Variants in DUOX1 observed in about 807,000 individuals in gnomAD.
DUOX1 encodes the protein dual oxidase 1.
DUOX1 carries 134 observed loss-of-function variants against 181.8 expected under a neutral mutation model. That is an observed-to-expected ratio of 0.74 (90% confidence interval 0.64 to 0.85). The LOEUF (loss-of-function observed/expected upper bound fraction) is 0.85, where lower values mean the gene tolerates loss of function less well. Ranked by LOEUF, DUOX1 falls within the 40% of genes least tolerant of loss-of-function variation. The pLI, the probability that DUOX1 is intolerant of heterozygous loss-of-function variation, is 0.00. For missense variants in DUOX1, 1,814 were observed against 2,064.4 expected, an observed-to-expected ratio of 0.88 and a Z score of 2.35; for synonymous variants, 798 against 832.5, an observed-to-expected ratio of 0.96 and a Z score of 0.71.
chr15:45,155,574 A>G (rs973158434), intron 27 of DUOX1: 1 of 555,090 alleles, frequency 1.8e-6, no homozygotes, highest in Middle Eastern at 5.2e-4. Context: ...CATCTCAAAA[A>G]AAAAAAAAAA....
intron 23 of DUOX1, 147 bp from the exon 24 acceptor site, chr15:45,151,727 A>C: frequency 2.4e-6 from 2 of 817,286 alleles, no homozygotes; most frequent in Non-Finnish European, 3.9e-6. Flanking sequence ...GTGAGGTCTG[A>C]ACCCTTCTTC....
At chr15:45,132,822 A>C (rs1230138064) in intron 2 of DUOX1, among the ~76,000 whole-genome samples, 2 of 151,922 alleles carry the variant, frequency 1.3e-5, no homozygotes, top group Non-Finnish European at 2.9e-5. Context: ...CTTTCCCTGT[A>C]CTGTCCTGCA....
At chr15:45,140,244 T>C (rs1205100862) in intron 12 of DUOX1, among the ~76,000 whole-genome samples, 3 of 152,158 alleles carry the variant, frequency 2.0e-5, no homozygotes, top group Non-Finnish European at 4.4e-5. Context: ...TACTATTTTA[T>C]AAAATTATTG....
In DUOX1 at chr15:45,160,882, C is replaced by T. The variant is rs145974183; in HGVS notation, c.3748C>T (p.His1250Tyr). ...SFALIQLPRF[H>Y]IFFLVPAIIY... is the part of the protein sequence containing the mutation. ...TGCCCTGATCCAGCTGCCCCGTTTC[C>T]ACATCTTCTTCCTGGTCCCAGCAAT... Residue 1250 changes from histidine (H) to tyrosine (Y), a missense_variant, in exon 29 of 34, where the codon CAC becomes TAC. Physicochemically the swap from His to Tyr is moderately conservative, Grantham distance 83. Around this residue, in one of 5 missense-constraint regions of DUOX1, gnomAD observed 279 missense variants for 381.9 expected, o/e 0.73. Coordinates refer to ENST00000389037, the MANE Select transcript of DUOX1 (RefSeq NM_175940.3). 25 of 1,613,382 alleles carry T rather than the reference C, an allele frequency of 1.5e-5. No individual in the cohort carries two copies. In the African/African-American group the frequency reaches 2.8e-4, roughly 18 times the overall value.
intron 12 of DUOX1, 59 bp downstream of exon 12, chr15:45,139,658 G>C: frequency 6.7e-7 from 1 of 1,486,310 alleles, no homozygotes; most frequent in East Asian, 2.4e-5. Flanking sequence ...GTGGGCCTGA[G>C]ACATGGAAGA....
chr15:45,147,665 G>C lies in DUOX1; in HGVS notation c.2548+7G>C, dbSNP rs552972667. 1 of 1,614,126 alleles carries C rather than the reference G, an allele frequency of 6.2e-7. No individual in the cohort carries two copies. Among genetic ancestry groups the C allele is most frequent in the South Asian group, 1.1e-5 (1 of 91,026 alleles). ...CTGGTGGTCTTCATGAAAGGTGAGGGAGGAGGGAATGATAGGAGAGGCTGG... is the reference window on the plus strand; with the variant it reads ...CTGGTGGTCTTCATGAAAGGTGAGGCAGGAGGGAATGATAGGAGAGGCTGG... On this transcript the variant is annotated splice_region_variant and intron_variant, in intron 19 of 33. Coordinates refer to ENST00000389037, the MANE Select transcript of DUOX1 (RefSeq NM_175940.3).
chr15:45,131,859 A>G (rs1896163875), intron 1 of DUOX1, 59 bp from the exon 2 acceptor site: 7 of 1,217,676 alleles, frequency 5.7e-6, no homozygotes, highest in Non-Finnish European at 7.3e-6. Context: ...AGGCCTGCAG[A>G]GTCTTTCACC....
intron 31 of DUOX1, 67 bp from the exon 32 acceptor site, chr15:45,163,465 T>C: frequency 6.3e-7 from 1 of 1,599,108 alleles, no homozygotes; most frequent in Non-Finnish European, 8.5e-7. Context: ...TCTATCAGTA[T>C]GGACACCCCT....
At chr15:45,162,767 A>G (rs1391752706) in intron 31 of DUOX1, among the ~76,000 whole-genome samples, 1 of 152,232 alleles carries the variant, frequency 6.6e-6, no homozygotes, top group Non-Finnish European at 1.5e-5. Flanking sequence ...TGGGTGGAGC[A>G]CAAGTGAAAC....
In DUOX1 at chr15:45,141,020, T is replaced by C; in HGVS notation, c.1515T>C (p.Phe505=). 1 of 1,614,184 alleles carries C rather than the reference T, an allele frequency of 6.2e-7. No homozygotes were observed. Among genetic ancestry groups the C allele is most frequent in the Non-Finnish European group, 8.5e-7 (1 of 1,180,022 alleles). ...PLFSTIVLEQ[F]VRLRDGDRYW... ...TCAGCACCATCGTCCTTGAACAATT[T>C]GTGCGGCTACGGGATGGTGACCGCT... The change falls in exon 13 of 34, where the codon TTT becomes TTC. Residue 505 remains phenylalanine (F), a synonymous_variant. Transcript: ENST00000389037.
chr15:45,150,699 C>G lies in DUOX1; in HGVS notation c.2886C>G (p.Ile962Met), dbSNP rs1896778892. 2 of 1,613,702 alleles carry G rather than the reference C, an allele frequency of 1.2e-6. No individual in the cohort carries two copies. Among genetic ancestry groups the G allele is most frequent in the African/African-American group, 2.7e-5 (2 of 74,912 alleles). The change falls in exon 22 of 34, where the codon ATC becomes ATG. Residue 962 changes from isoleucine to methionine, a missense_variant and splice_region_variant. Physicochemically the swap from Ile to Met is conservative, Grantham distance 10. Coordinates refer to ENST00000389037, the MANE Select transcript of DUOX1 (RefSeq NM_175940.3). Reference sequence around the variant, plus strand: ...CCTCCTACATCAGCCAGGATATGATCTGGTGAGCACCCATCTGGGAATGTC... The same window carrying G: ...CCTCCTACATCAGCCAGGATATGATGTGGTGAGCACCCATCTGGGAATGTC... ...RRASYISQDM[I>M]CPSPRVSARC...
At chr15:45,134,392 G>T (rs1896232668) in intron 4 of DUOX1, 83 bp downstream of exon 4, 1 of 1,438,252 alleles carries the variant, frequency 7.0e-7, no homozygotes, top group African/African-American at 1.4e-5. Context: ...GAGGATGAGA[G>T]AGAAGTGATG....
In DUOX1 at chr15:45,140,934, T is replaced by A. The variant is rs1351047564; in HGVS notation, c.1429T>A (p.Ser477Thr). The A allele has an allele frequency of 4.3e-6, 7 of 1,614,184 alleles. No individual in the cohort carries two copies. In the South Asian group the frequency reaches 7.7e-5, roughly 18 times the overall value. Residue 477 changes from serine to threonine, a missense_variant, in exon 13 of 34, where the codon TCC becomes ACC. Ser to Thr is a moderately conservative substitution (Grantham distance 58). This residue lies in a region of DUOX1 where 1,064 missense variants were observed against 1,152.9 expected (regional missense o/e 0.92). Coordinates refer to ENST00000389037, the MANE Select transcript of DUOX1 (RefSeq NM_175940.3). ...ATAALYNQDL[S>T]WLELLPGGLL... ...AGCTGCCCTGTACAACCAGGACTTA[T>A]CCTGGCTAGAGCTGCTCCCTGGGGG...
chr15:45,151,246 G>A lies in DUOX1; in HGVS notation c.3012G>A (p.Lys1004=). 4 of 1,613,906 alleles carry A rather than the reference G, an allele frequency of 2.5e-6. No individual in the cohort carries two copies. Among genetic ancestry groups the A allele is most frequent in the Non-Finnish European group, 3.4e-6 (4 of 1,179,904 alleles). Residue 1004 remains lysine, a splice_region_variant and synonymous_variant, in exon 23 of 34, where the codon AAG becomes AAA. Transcript: ENST00000389037. Reference sequence around the variant, plus strand: ...AGGAGATTCGGCGGAGGTTTGGCAAGAAGTATGTCTGCTCTTCCCCTTAAG... The same window carrying A: ...AGGAGATTCGGCGGAGGTTTGGCAAAAAGTATGTCTGCTCTTCCCCTTAAG... ...PPQEIRRRFG[K]KVTSFQPLLF...
At chr15:45,156,663 C>T (rs993215194) in intron 28 of DUOX1, among the ~76,000 whole-genome samples, 3 of 152,188 alleles carry the variant, frequency 2.0e-5, no homozygotes, top group Admixed American at 6.5e-5. Context: ...GAATTCCTGA[C>T]CTCGTGATCC....
intron 21 of DUOX1, 44 bp from the exon 22 acceptor site, chr15:45,150,588 G>A (rs980120671): frequency 1.3e-6 from 2 of 1,594,632 alleles, no homozygotes; most frequent in East Asian, 2.2e-5. Flanking sequence ...GTCTTCCTGG[G>A]CTCTGGACCC....
Position 45,151,872 on chromosome 15 carries a change from AG to A in DUOX1, c.3016del. 1.2e-6 allele frequency: 2 copies of A among 1,609,884 alleles called. No homozygotes were observed. The highest frequency in any genetic ancestry group is 1.7e-6 in the Non-Finnish European group (2 of 1,177,750). On this transcript the variant is annotated splice_acceptor_variant, in intron 23 of 33. Transcript: ENST00000389037. LOFTEE classifies it high-confidence loss of function. ...CAAAGGCTAAGGCTTCCTGTCTCCC[AG>A]GGTAACGTCATTCCAGCCCTTGCTG...
intron 1 of DUOX1, chr15:45,131,561 C>G (rs1177540204): frequency 4.5e-6 from 1 of 222,148 alleles, no homozygotes; most frequent in African/African-American, 2.4e-5. Flanking sequence ...TCAGCCTAGT[C>G]TCCTGATCCC....
At chr15:45,139,365 T>C in intron 11 of DUOX1, 62 bp from the exon 12 acceptor site, 7 of 1,593,482 alleles carry the variant, frequency 4.4e-6, no homozygotes, top group Non-Finnish European at 5.1e-6. Context: ...GCTTGGGGCC[T>C]GGACTGGACA....
Sources: allele counts gnomAD v4.1 joint callset (sites outside exome capture counted in the v4.1 genomes callset), GRCh38; gene constraint gnomAD v4.1.1; regional missense constraint gnomAD v4.1.1; transcripts MANE v1.5; gene names NCBI Gene and HGNC (gene_info 2026-07-23, HGNC 2026-07-21).